Variants in TRHDE observed in about 807,000 individuals in gnomAD.
TRHDE encodes thyrotropin-releasing hormone-degrading ectoenzyme.
Under a neutral mutation model 125.7 loss-of-function variants are expected in TRHDE, and 72 were observed. The observed-to-expected ratio is 0.57, with a 90% CI of 0.47 to 0.70. The LOEUF (loss-of-function observed/expected upper bound fraction) is 0.70. Among genes scored for constraint, TRHDE ranks in the 30% least tolerant of loss-of-function variants. The pLI, the probability that TRHDE is intolerant of heterozygous loss-of-function variation, is 0.00. For missense variants in TRHDE, 1,110 were observed against 1,327.1 expected (o/e 0.84, Z 2.54); for synonymous variants, 509 against 509.1 (o/e 1.00, Z 0.00).
intron 3 of TRHDE, among the ~76,000 whole-genome samples, chr12:72,451,943 C>G (rs1156688493): frequency 6.6e-6 from 1 of 152,104 alleles, no homozygotes; most frequent in African/African-American, 2.4e-5. Context: ...ATTCTCCTGC[C>G]TCAGCCTCCC....
intron 5 of TRHDE, among the ~76,000 whole-genome samples, chr12:72,490,604 T>TACACACAC (rs56752236): frequency 2.7e-5 from 4 of 148,128 alleles, no homozygotes; most frequent in Admixed American, 6.8e-5. Flanking sequence ...TGTGTATAAA[T>TACACACAC]ACACACACAC....
chr12:72,565,376 T>G (rs182291184), intron 9 of TRHDE, among the ~76,000 whole-genome samples: 27 of 152,340 alleles, frequency 1.8e-4, no homozygotes, highest in Non-Finnish European at 3.8e-4. Context: ...AATTATATTT[T>G]TATATGTAAT....
At chr12:72,387,457 A>C (rs1872468388) in intron 3 of TRHDE, among the ~76,000 whole-genome samples, 1 of 152,108 alleles carries the variant, frequency 6.6e-6, no homozygotes, top group Non-Finnish European at 1.5e-5. Flanking sequence ...TCCAACCACC[A>C]TACTCTTTTG....
At chr12:72,152,809 T>G (rs919535144) in intron 2 of TRHDE, among the ~76,000 whole-genome samples, 1 of 152,248 alleles carries the variant, frequency 6.6e-6, no homozygotes, top group African/African-American at 2.4e-5. Context: ...AGTATTTTAT[T>G]GAGGATTTTT....
chr12:72,353,181 G>A (rs1278875212), intron 2 of TRHDE, among the ~76,000 whole-genome samples: 1 of 151,596 alleles, frequency 6.6e-6, no homozygotes, highest in Non-Finnish European at 1.5e-5. Flanking sequence ...TCAAAATTAT[G>A]TTCACAAAAA....
chr12:72,228,370 G>T (rs1055369782), intron 2 of TRHDE, among the ~76,000 whole-genome samples: 5 of 152,172 alleles, frequency 3.3e-5, no homozygotes, highest in African/African-American at 1.2e-4. Flanking sequence ...CAATGTCTTG[G>T]GCTGGATGTT....
intron 3 of TRHDE, among the ~76,000 whole-genome samples, chr12:72,402,048 C>A (rs934495847): frequency 1.3e-5 from 2 of 151,974 alleles, no homozygotes; most frequent in Admixed American, 6.6e-5. Flanking sequence ...TAGAAAAGTA[C>A]CACAAACTGG....
At chr12:72,158,516 G>C (rs1876568015) in intron 2 of TRHDE, among the ~76,000 whole-genome samples, 1 of 151,746 alleles carries the variant, frequency 6.6e-6, no homozygotes, top group South Asian at 2.1e-4. Flanking sequence ...TTTTATATTA[G>C]AAACAATAAT....
At chr12:72,192,860 T>C (rs1485100879) in intron 2 of TRHDE, among the ~76,000 whole-genome samples, 1 of 152,076 alleles carries the variant, frequency 6.6e-6, no homozygotes, top group Non-Finnish European at 1.5e-5. Context: ...TTTGTAATTT[T>C]TATTGGAGTA....
At chr12:72,408,919 T>C (rs550319013) in intron 3 of TRHDE, among the ~76,000 whole-genome samples, 1 of 152,188 alleles carries the variant, frequency 6.6e-6, no homozygotes, top group Admixed American at 6.5e-5. Context: ...TTCTCATATA[T>C]GTCTAATCGG....
intron 6 of TRHDE, among the ~76,000 whole-genome samples, chr12:72,540,698 A>G (rs757565912): frequency 6.6e-6 from 1 of 151,630 alleles, no homozygotes; most frequent in Non-Finnish European, 1.5e-5. Flanking sequence ...CAAGGAACAG[A>G]GCTGATATGT....
intron 15 of TRHDE, among the ~76,000 whole-genome samples, chr12:72,639,111 G>C (rs1873910794): frequency 1.3e-5 from 2 of 150,424 alleles, no homozygotes; most frequent in Non-Finnish European, 3.0e-5. Flanking sequence ...TTCCAACTTG[G>C]TTCCATTCTC....
At chr12:72,660,237 G>A (rs934331743) in intron 18 of TRHDE, among the ~76,000 whole-genome samples, 14 of 152,146 alleles carry the variant, frequency 9.2e-5, no homozygotes, top group African/African-American at 2.2e-4. Context: ...TATCTACTAC[G>A]AACTTCAAAG....
At chr12:72,356,193 G>A (rs1399262549) in intron 2 of TRHDE, among the ~76,000 whole-genome samples, 1 of 151,708 alleles carries the variant, frequency 6.6e-6, no homozygotes, top group African/African-American at 2.4e-5. Flanking sequence ...ACACACTATG[G>A]TATATTACAC....
chr12:72,425,866 C>G (rs1292116493), intron 3 of TRHDE, among the ~76,000 whole-genome samples: 2 of 151,782 alleles, frequency 1.3e-5, no homozygotes, highest in South Asian at 2.1e-4. Flanking sequence ...GCAACAACAA[C>G]AAGAATAAAT....
intron 2 of TRHDE, among the ~76,000 whole-genome samples, chr12:72,361,048 C>T (rs767432380): frequency 5.3e-5 from 8 of 151,618 alleles, no homozygotes; most frequent in African/African-American, 9.7e-5. Flanking sequence ...TCTCATTGTT[C>T]GGCTCCCACT....
intron 3 of TRHDE, among the ~76,000 whole-genome samples, chr12:72,450,625 C>T (rs577371922): frequency 3.9e-4 from 60 of 152,124 alleles, no homozygotes; most frequent in African/African-American, 2.6e-4. Context: ...TCCTATCTGA[C>T]GGAAATTTTG....
intron 2 of TRHDE, among the ~76,000 whole-genome samples, chr12:72,234,663 A>C (rs776777257): frequency 6.6e-6 from 1 of 152,172 alleles, no homozygotes; most frequent in Non-Finnish European, 1.5e-5. Flanking sequence ...ATAAAGGCTG[A>C]AGAGATTTGG....
intron 12 of TRHDE, among the ~76,000 whole-genome samples, chr12:72,610,141 T>C (rs1424672694): frequency 6.6e-6 from 1 of 152,226 alleles, no homozygotes; most frequent in Non-Finnish European, 1.5e-5. Context: ...ATGAATTCAT[T>C]ATTGAAATTA....
Sources: gnomAD v4.1 joint callset for allele counts (sites outside exome capture counted in the v4.1 genomes callset) on GRCh38, gnomAD v4.1.1 for gene constraint, MANE v1.5 for transcripts, NCBI Gene and HGNC (gene_info 2026-07-23, HGNC 2026-07-21) for gene names.